Variants in SLC44A5 observed in about 807,000 individuals in gnomAD.
SLC44A5 encodes the protein solute carrier family 44 member 5.
SLC44A5 carries 57 observed loss-of-function variants against 101.8 expected under a neutral mutation model. The observed-to-expected ratio is 0.56, with a 90% CI of 0.45 to 0.70. The LOEUF is 0.70. Among genes scored for constraint, SLC44A5 ranks in the 30% least tolerant of loss-of-function variants. The pLI is 0.00. For synonymous variants in SLC44A5, 281 were observed against 290.9 expected (o/e 0.97, Z 0.35); for missense variants, 737 against 853.1 (o/e 0.86, Z 1.70).
chr1:75,698,122 T>A, the SLC44A5 span, among the ~76,000 whole-genome samples: 8 of 152,288 alleles, frequency 5.3e-5, no homozygotes, highest in East Asian at 1.2e-3. Flanking sequence ...ACAAAGCAGC[T>A]TGGAAGCTCA....
chr1:75,688,344 T>A, the SLC44A5 span, among the ~76,000 whole-genome samples: 1 of 152,128 alleles, frequency 6.6e-6, no homozygotes, highest in South Asian at 2.1e-4. Context: ...GCTTTTGCAA[T>A]TTTTCTCTTC....
chr1:75,221,766 C>G (rs2100510578), intron 14 of SLC44A5, among the ~76,000 whole-genome samples: 1 of 152,232 alleles, frequency 6.6e-6, no homozygotes, highest in African/African-American at 2.4e-5. Flanking sequence ...TGTCATTCTC[C>G]TAACACATAT....
intron 1 of SLC44A5, among the ~76,000 whole-genome samples, chr1:75,544,920 T>A (rs552559214): frequency 6.6e-6 from 1 of 152,278 alleles, no homozygotes; most frequent in Admixed American, 6.5e-5. Flanking sequence ...TTTTGTTACA[T>A]AGGTGTATAC....
At chr1:75,388,696 A>G (rs747912663) in intron 3 of SLC44A5, among the ~76,000 whole-genome samples, 6 of 151,674 alleles carry the variant, frequency 4.0e-5, no homozygotes, top group Non-Finnish European at 7.4e-5. Flanking sequence ...GGAGAATGGC[A>G]TGAACCCGGG....
At chr1:75,484,985 A>G (rs924630768) in intron 2 of SLC44A5, among the ~76,000 whole-genome samples, 2 of 152,234 alleles carry the variant, frequency 1.3e-5, no homozygotes, top group South Asian at 4.1e-4. Flanking sequence ...CCTGGCCCAC[A>G]AAACCACTTT....
chr1:75,582,384 C>T (rs1341586356), intron 1 of SLC44A5: 9 of 804,214 alleles, frequency 1.1e-5, no homozygotes, highest in Non-Finnish European at 1.6e-5. Flanking sequence ...CATCGACTTG[C>T]CCACATTGCC....
At chr1:75,501,681 C>T (rs1021159532) in intron 2 of SLC44A5, among the ~76,000 whole-genome samples, 7 of 152,074 alleles carry the variant, frequency 4.6e-5, no homozygotes, top group South Asian at 2.1e-4. Context: ...TGTCAGTCTC[C>T]GGTAAACTGC....
intron 6 of SLC44A5, among the ~76,000 whole-genome samples, chr1:75,272,931 G>A (rs1022706783): frequency 1.3e-5 from 2 of 151,180 alleles, no homozygotes; most frequent in Non-Finnish European, 1.5e-5. Context: ...AGGAATCCTG[G>A]TGGATGAGAA....
intron 23 of SLC44A5, among the ~76,000 whole-genome samples, chr1:75,208,511 A>G (rs1646792372): frequency 6.6e-6 from 1 of 152,188 alleles, no homozygotes; most frequent in Non-Finnish European, 1.5e-5. Flanking sequence ...ATTTTAAGCT[A>G]GTTTTGTTGT....
chr1:75,367,397 C>T (rs570627501), intron 3 of SLC44A5, among the ~76,000 whole-genome samples: 19 of 152,228 alleles, frequency 1.2e-4, no homozygotes, highest in African/African-American at 4.3e-4. Flanking sequence ...AAGTTGTCAT[C>T]GAGACAAGGA....
chr1:75,456,704 A>C (rs1666204839), intron 2 of SLC44A5, among the ~76,000 whole-genome samples: 1 of 152,202 alleles, frequency 6.6e-6, no homozygotes, highest in Non-Finnish European at 1.5e-5. Flanking sequence ...AGAATTTCTA[A>C]AAGGAAAGTA....
chr1:75,306,665 T>G (rs140958900), intron 4 of SLC44A5, among the ~76,000 whole-genome samples: 25 of 152,110 alleles, frequency 1.6e-4, no homozygotes, highest in African/African-American at 5.8e-4. Context: ...ACAACTGTCA[T>G]TTTGCTTCCT....
the SLC44A5 span, among the ~76,000 whole-genome samples, chr1:75,645,943 G>A: frequency 1.5e-5 from 2 of 134,634 alleles, no homozygotes; most frequent in African/African-American, 5.0e-5. Flanking sequence ...GATAGTTGTA[G>A]ATGTGTGTTA....
At chr1:75,385,394 G>T (rs932462541) in intron 3 of SLC44A5, among the ~76,000 whole-genome samples, 17 of 151,912 alleles carry the variant, frequency 1.1e-4, no homozygotes, top group African/African-American at 3.9e-4. Flanking sequence ...CAATCCCACA[G>T]AAATACAAAC....
At chr1:75,554,224 C>A (rs1299072534) in intron 1 of SLC44A5, among the ~76,000 whole-genome samples, 1 of 151,984 alleles carries the variant, frequency 6.6e-6, no homozygotes, top group Non-Finnish European at 1.5e-5. Flanking sequence ...TGCCTGTAAT[C>A]CCAGTGCTTT....
chr1:75,596,319 A>C (rs1674633287), intron 1 of SLC44A5, among the ~76,000 whole-genome samples: 1 of 152,226 alleles, frequency 6.6e-6, no homozygotes, highest in South Asian at 2.1e-4. Context: ...ACCAACCAAA[A>C]AAAAGTTGAA....
intron 23 of SLC44A5, among the ~76,000 whole-genome samples, chr1:75,209,107 G>A (rs1326690477): frequency 6.6e-6 from 1 of 152,146 alleles, no homozygotes; most frequent in Admixed American, 6.5e-5. Context: ...GTCTCTGAAA[G>A]GAAATGATTC....
intron 2 of SLC44A5, among the ~76,000 whole-genome samples, chr1:75,520,266 G>A (rs1247727908): frequency 1.3e-5 from 2 of 152,108 alleles, no homozygotes; most frequent in African/African-American, 2.4e-5. Context: ...GACAGAGGTG[G>A]GAGGATTGCT....
At chr1:75,652,946 A>G in the SLC44A5 span, among the ~76,000 whole-genome samples, 1 of 152,310 alleles carries the variant, frequency 6.6e-6, no homozygotes, top group South Asian at 2.1e-4. Flanking sequence ...ATGAAATTCA[A>G]ATTCTTGTTA....
Sources: allele counts gnomAD v4.1 joint callset (sites outside exome capture counted in the v4.1 genomes callset), GRCh38; gene constraint gnomAD v4.1.1; transcripts MANE v1.5; gene names NCBI Gene and HGNC (gene_info 2026-07-23, HGNC 2026-07-21).